Variants in NOP53 observed in about 807,000 individuals in gnomAD.
NOP53 encodes ribosome biogenesis protein NOP53.
In NOP53, 40 loss-of-function variants were observed where a neutral mutation model predicts 61.0. The ratio of observed to expected loss-of-function variants is 0.66; its 90% CI spans 0.51 to 0.85. NOP53 has a LOEUF of 0.85. Among genes scored for constraint, NOP53 ranks in the 40% least tolerant of loss-of-function variants. NOP53 has a pLI of 0.00. For missense variants in NOP53, 689 were observed against 652.9 expected (o/e 1.06, Z -0.60); for synonymous variants, 308 against 289.5 (o/e 1.06, Z -0.65).
intron 12 of NOP53, 44 bp from the exon 13 acceptor site, chr19:47,756,955 G>A (rs1967209398): frequency 6.2e-7 from 1 of 1,613,396 alleles, no homozygotes. Flanking sequence ...AGGGGGTATG[G>A]GGCACCCTCT....
rs1338451946 is a variant in NOP53 at position 47,755,885 on chromosome 19, G to GC, written c.1296+69dup. 3.6e-6 allele frequency: 5 copies of GC among 1,405,296 alleles called. No homozygotes were observed. The Admixed American group carries it at 5.3e-5, about 15-fold the overall frequency. The allele number at this position is 1,405,296 out of a possible 1,614,324, so 87.1% of individuals were successfully genotyped here. The stretch of plus-strand genomic sequence containing the variant: ...TGATGACACCATCCTTGCTCCCCGT[G>GC]CCCCCCAGGGGCTATGGGCGACACC... On this transcript the variant is annotated intron_variant, in intron 10 of 12. Coordinates refer to ENST00000246802, the MANE Select transcript of NOP53 (RefSeq NM_015710.5).
At chr19:47,755,670 C>A in intron 9 of NOP53, 86 bp from the exon 10 acceptor site, 3 of 1,382,522 alleles carry the variant, frequency 2.2e-6, no homozygotes, top group South Asian at 2.5e-5. Context: ...TTCTCAGAGG[C>A]CCCTTCTTCT....
chr19:47,750,918 C>A lies in NOP53; in HGVS notation c.409C>A (p.His137Asn). 1 of 1,590,414 alleles carries A rather than the reference C, an allele frequency of 6.3e-7. No individual in the cohort carries two copies. The highest frequency in any genetic ancestry group is 2.3e-5 in the East Asian group (1 of 44,046). The part of the protein sequence containing the change: ...KVPAPKDVLA[H>N]QVPNAKKLRR... ...CCTCTCCCCGACCAGCGTCCTCGCC[C>A]ACCAGGTCCCCAACGCCAAGAAGCT... The change falls in exon 4 of 13, where the codon CAC becomes AAC. Residue 137 changes from histidine to asparagine, a missense_variant. His to Asn is a moderately conservative substitution (Grantham distance 68, BLOSUM62 1). Coordinates refer to ENST00000246802, the MANE Select transcript of NOP53 (RefSeq NM_015710.5).
In NOP53 at chr19:47,751,498, G is replaced by C. The variant is rs762612269; in HGVS notation, c.599-22G>C. 4.4e-6 allele frequency: 7 copies of C among 1,604,108 alleles called. No individual in the cohort carries two copies. The Middle Eastern group carries it at 5.0e-4, about 114-fold the overall frequency. ...CTTCCATGCTGGGACTGTCCCAGCA[G>C]CTCCCCTCGCTGTATCCACAGACCC... On this transcript the variant is annotated intron_variant, in intron 4 of 12. Coordinates refer to ENST00000246802, the MANE Select transcript of NOP53 (RefSeq NM_015710.5).
chr19:47,745,721 G>A lies in NOP53; in HGVS notation c.162G>A (p.Glu54=). The change falls in exon 1 of 13, where the codon GAG becomes GAA. Residue 54 remains glutamate (E), a synonymous_variant. Transcript: ENST00000246802. ...GGGGCTGGCGGCGGCTTGCTCAGGAGCCGCTGGGGCTGGAGGTTGACCAGT... is the reference window on the plus strand; with the variant it reads ...GGGGCTGGCGGCGGCTTGCTCAGGAACCGCTGGGGCTGGAGGTTGACCAGT... ...KKRGWRRLAQ[E]PLGLEVDQFL... The A allele has an allele frequency of 1.2e-6, 2 of 1,610,454 alleles. No individual in the cohort carries two copies. The highest frequency in any genetic ancestry group is 1.7e-6 in the Non-Finnish European group (2 of 1,178,404).
At chr19:47,752,716 G>A in intron 6 of NOP53, 109 bp downstream of exon 6, 2 of 719,298 alleles carry the variant, frequency 2.8e-6, no homozygotes, top group Non-Finnish European at 5.0e-6. Flanking sequence ...ACAGCCCTGG[G>A]CCTGTCCGCA....
chr19:47,745,587 G>A lies in NOP53; in HGVS notation c.28G>A (p.Gly10Arg). 3.7e-6 allele frequency: 6 copies of A among 1,613,990 alleles called. No homozygotes were observed. Among genetic ancestry groups the A allele is most frequent in the Non-Finnish European group, 5.1e-6 (6 of 1,179,978 alleles). ...GGCGGCAGGAGGCAGTGGCGTTGGT[G>A]GGAAGCGCAGCTCGAAAAGCGATGC... MAAGGSGVG[G>R]KRSSKSDADS... Residue 10 changes from glycine (G) to arginine (R), a missense_variant, in exon 1 of 13, where the codon GGG becomes AGG. Coordinates refer to ENST00000246802, the MANE Select transcript of NOP53 (RefSeq NM_015710.5).
In NOP53 at chr19:47,756,584, C is replaced by G. The variant is rs138025379; in HGVS notation, c.1353C>G (p.Ile451Met). 6.2e-7 allele frequency: 1 copy of G among 1,614,016 alleles called. No homozygotes were observed. The highest frequency in any genetic ancestry group is 1.3e-5 in the African/African-American group (1 of 75,054). The change falls in exon 11 of 13, where the codon ATC becomes ATG. Residue 451 changes from isoleucine (I) to methionine (M), a missense_variant. By Grantham distance (10) the Ile-to-Met change is conservative (BLOSUM62 1). Transcript: ENST00000246802. The part of the protein sequence containing the change: ...RFKSFQRRNM[I>M]EPRERAKFKR... ...AGAGCTTCCAGAGGAGGAATATGAT[C>G]GAGCCTCGAGAGAGAGCCAAGTAAG...
chr19:47,756,661 C>T (rs1191374168), intron 11 of NOP53, 27 bp from the exon 12 acceptor site: 9 of 1,613,750 alleles, frequency 5.6e-6, no homozygotes, highest in African/African-American at 1.3e-5. Context: ...GCCCCGGGCA[C>T]TGATTGCTCC....
intron 2 of NOP53, among the ~76,000 whole-genome samples, chr19:47,748,887 C>T (rs190412862): frequency 2.0e-5 from 3 of 151,162 alleles, no homozygotes; most frequent in Non-Finnish European, 2.9e-5. Context: ...TCAAGCTGGG[C>T]GTGGTGGCTC....
At position 47,755,830 on chromosome 19, in the gene NOP53, CTG is replaced by C. The variant is rs1357364472; in HGVS notation, c.1296+12_1296+13del. On this transcript the variant is annotated intron_variant, in intron 10 of 12. Transcript: ENST00000246802. ...TCGCTCAGGACCCTGAAGGTGCTCA[CTG>C]TGTCCTGCCGTGGAGCCCCGTGCCC... The C allele has an allele frequency of 1.2e-6, 2 of 1,604,598 alleles. No individual in the cohort carries two copies. Among genetic ancestry groups the C allele is most frequent in the Admixed American group, 1.7e-5 (1 of 59,178 alleles).
chr19:47,754,497 C>T lies in NOP53; in HGVS notation c.766-30C>T. 2 of 1,489,450 alleles carry T rather than the reference C, an allele frequency of 1.3e-6. No homozygotes were observed. Among genetic ancestry groups the T allele is most frequent in the Non-Finnish European group, 1.8e-6 (2 of 1,093,376 alleles). 92.3% of individuals were successfully genotyped at this position (1,489,450 alleles called of 1,614,324 possible). A position where few individuals can be genotyped will look rare whatever the true frequency, so the allele number is the denominator to read the frequency against. On this transcript the variant is annotated intron_variant, in intron 6 of 12. Coordinates refer to ENST00000246802, the MANE Select transcript of NOP53 (RefSeq NM_015710.5). The surrounding 1 kb of genome is among the most constrained non-coding windows in gnomAD (Gnocchi z 4.2). ...TAGTCTCAGTGTCCCAGGAGGGGTTCAGGGACCCATCCTCACTCCCGCCCC... is the reference window on the plus strand; with the variant it reads ...TAGTCTCAGTGTCCCAGGAGGGGTTTAGGGACCCATCCTCACTCCCGCCCC...
chr19:47,755,252 A>G, intron 8 of NOP53, 96 bp from the exon 9 acceptor site: 1 of 787,612 alleles, frequency 1.3e-6, no homozygotes, highest in East Asian at 3.2e-5. Flanking sequence ...CTCCGGGGAC[A>G]GGCAGGTTTG....
chr19:47,749,160 C>CA (rs1349731224), intron 2 of NOP53, among the ~76,000 whole-genome samples: 4,613 of 130,424 alleles, frequency 0.035, 191 homozygotes, highest in African/African-American at 0.11. Flanking sequence ...GACTCTGTCT[C>CA]AAAAAAAAAA....
At chr19:47,755,310 G>A (rs1416577578) in intron 8 of NOP53, 38 bp from the exon 9 acceptor site, 1 of 1,370,896 alleles carries the variant, frequency 7.3e-7, no homozygotes, top group Non-Finnish European at 9.6e-7. Flanking sequence ...TGTGTGGGCA[G>A]CACCGGCCTG....
At chr19:47,755,611 G>T in intron 9 of NOP53, 88 bp downstream of exon 9, 1 of 1,369,852 alleles carries the variant, frequency 7.3e-7, no homozygotes, top group Non-Finnish European at 9.9e-7. Context: ...TTCAGGAACT[G>T]CCCACCCCCC....
At chr19:47,745,860 C>T in intron 1 of NOP53, 77 bp downstream of exon 1, 2 of 217,062 alleles carry the variant, frequency 9.2e-6, no homozygotes, top group East Asian at 1.1e-4. Context: ...TGCGTGGACT[C>T]GTCGGGGGTC....
In NOP53 at chr19:47,745,620, G is replaced by C. The variant is rs1438661712; in HGVS notation, c.61G>C (p.Gly21Arg). The C allele has an allele frequency of 3.1e-6, 5 of 1,614,102 alleles. No homozygotes were observed. The South Asian group carries it at 4.4e-5, about 14-fold the overall frequency. Residue 21 changes from glycine to arginine, a missense_variant, in exon 1 of 13, where the codon GGT (glycine) becomes CGT (arginine). Coordinates refer to ENST00000246802, the MANE Select transcript of NOP53 (RefSeq NM_015710.5). ...CAGCTCGAAAAGCGATGCCGATTCT[G>C]GTTTCCTGGGGCTGCGGCCCACTTC... is the stretch of plus-strand genomic sequence containing the variant. ...KRSSKSDADS[G>R]FLGLRPTSVD...
rs546253456 is a variant in NOP53 at position 47,747,596 on chromosome 19, C to T, written c.289+565C>T. 3.5e-4 allele frequency among the ~76,000 whole-genome samples: 53 copies of T among 149,688 alleles called. 1 individual carries two copies. In the East Asian group the frequency reaches 5.9e-3, roughly 17 times the overall value. On this transcript the variant is annotated intron_variant, in intron 2 of 12. Coordinates refer to ENST00000246802, the MANE Select transcript of NOP53 (RefSeq NM_015710.5). Reference sequence around the variant, plus strand: ...GGTGGAGGTTGCAGTGAGCCGAGATCGCGCCGCTGAACTCCAGCCTGGGAT... The same window carrying T: ...GGTGGAGGTTGCAGTGAGCCGAGATTGCGCCGCTGAACTCCAGCCTGGGAT...
Sources: gnomAD v4.1 joint callset for allele counts (sites outside exome capture counted in the v4.1 genomes callset) on GRCh38, gnomAD v4.1.1 for gene constraint, Gnocchi (gnomAD v3.1) non-coding constraint, MANE v1.5 for transcripts, NCBI Gene and HGNC (gene_info 2026-07-23, HGNC 2026-07-21) for gene names.